KIAA1671: variants seen among roughly 807,000 people sequenced by gnomAD.
The protein encoded by KIAA1671 is uncharacterized protein KIAA1671.
A neutral mutation model predicts 131.2 loss-of-function variants in KIAA1671; 52 were observed. The ratio of observed to expected loss-of-function variants is 0.40; its 90% CI spans 0.32 to 0.50. The LOEUF is 0.50. KIAA1671 is among the 20% of genes least tolerant of loss of function. KIAA1671 has a pLI of 0.73. For missense variants in KIAA1671, 2,360 were observed against 2,364.2 expected (o/e 1.00, Z 0.04); for synonymous variants, 1,003 against 961.6 (o/e 1.04, Z -0.80).
intron 1 of KIAA1671, among the ~76,000 whole-genome samples, chr22:24,993,342 T>C (rs1923945784): frequency 1.3e-5 from 2 of 152,192 alleles, no homozygotes; most frequent in Admixed American, 1.3e-4. Context: ...GTCCGTTGTC[T>C]TCTCTCCAAA....
intron 6 of KIAA1671, chr22:25,112,095 TCCAAAGAGG>T (rs1160230729): frequency 5.0e-6 from 2 of 397,724 alleles, no homozygotes. Flanking sequence ...AGCAAAAGAG[TCCAAAGAGG>T]CAAGAGGACA....
rs549525418 is a variant in KIAA1671, at chr22:24,998,374, C to A, written c.-207-27259C>A. Among the ~76,000 whole-genome samples the A allele has an allele frequency of 2.0e-5, 3 of 152,150 alleles. No individual in the cohort carries two copies. In the East Asian group the frequency reaches 5.8e-4, roughly 29 times the overall value. ...GGTACAGTGAGCCATGACAGCACCA[C>A]TGCACTCCAGCCTGGGTGACAAATT... On this transcript the variant is annotated intron_variant, in intron 1 of 12. Coordinates refer to ENST00000358431, the MANE Select transcript of KIAA1671 (RefSeq NM_001145206.2).
At position 25,041,055 on chromosome 22, in the gene KIAA1671, C is replaced by T; in HGVS notation, c.3925C>T (p.Pro1309Ser). 2 of 1,519,664 alleles carry T rather than the reference C, an allele frequency of 1.3e-6. No homozygotes were observed. Among genetic ancestry groups the T allele is most frequent in the East Asian group, 2.5e-5 (1 of 40,678 alleles). 94.1% of individuals were successfully genotyped at this position (1,519,664 alleles called of 1,614,324 possible). A position where few individuals can be genotyped will look rare whatever the true frequency, so the allele number is the denominator to read the frequency against. Reference protein sequence around the residue: ...LPPSAPSERYPGGSPIPADPR... With the variant: ...LPPSAPSERYSGGSPIPADPR... ...ACCCTCGGCTCCTTCTGAAAGGTAT[C>T]CAGGGGGCTCTCCTATACCTGCGGA... Residue 1309 changes from proline to serine, a missense_variant, in exon 5 of 13, where the codon CCA becomes TCA. Physicochemically the swap from Pro to Ser is moderately conservative, Grantham distance 74 (BLOSUM62 -1). This residue lies in a region of KIAA1671 where 1,161 missense variants were observed against 1,204.7 expected (regional missense o/e 0.96). Transcript: ENST00000358431.
intron 8 of KIAA1671, chr22:25,176,740 C>T (rs1257025707): frequency 3.3e-5 from 5 of 152,266 alleles, no homozygotes; most frequent in African/African-American, 9.7e-5. Flanking sequence ...CCCACCCTTT[C>T]ACTGGGGGGG....
At chr22:25,134,150 A>G (rs1181781305) in intron 6 of KIAA1671, among the ~76,000 whole-genome samples, 1 of 152,204 alleles carries the variant, frequency 6.6e-6, no homozygotes, top group Non-Finnish European at 1.5e-5. Context: ...AGTACCTTGC[A>G]TGCTGTTTTT....
At chr22:25,148,181 C>G (rs1485757545) in intron 6 of KIAA1671, among the ~76,000 whole-genome samples, 1 of 151,868 alleles carries the variant, frequency 6.6e-6, no homozygotes, top group East Asian at 1.9e-4. Context: ...TGCCTCAGTC[C>G]CAGCCCTTTC....
Position 25,028,410 on chromosome 22 carries a change from G to A in KIAA1671, c.411G>A (p.Leu137=), listed in dbSNP as rs1926076552. 1.3e-5 allele frequency: 20 copies of A among 1,551,102 alleles called. No homozygotes were observed. Among genetic ancestry groups the A allele is most frequent in the South Asian group, 3.6e-5 (3 of 84,004 alleles). ...CCCTCTTCAACAAGGCTGTGTTCCT[G>A]CGGCCCAGCTCCAGCACCATGATTC... The part of the protein sequence containing the change: ...SSPLFNKAVF[L]RPSSSTMILF... The change falls in exon 3 of 13, where the codon CTG becomes CTA. Residue 137 remains leucine, a synonymous_variant. Transcript: ENST00000358431.
At chr22:25,009,628 C>G (rs895195234) in intron 1 of KIAA1671, 2 of 150,826 alleles carry the variant, frequency 1.3e-5, no homozygotes, top group Non-Finnish European at 2.9e-5. Flanking sequence ...GTCGCCCAGG[C>G]TGGAGTGCAG....
intron 1 of KIAA1671, among the ~76,000 whole-genome samples, chr22:24,996,640 A>C (rs545626663): frequency 6.6e-6 from 1 of 152,236 alleles, no homozygotes; most frequent in African/African-American, 2.4e-5. Context: ...ATTTGGCCTC[A>C]GTCTGATCCC....
intron 6 of KIAA1671, among the ~76,000 whole-genome samples, chr22:25,120,722 C>A (rs117236232): frequency 0.034 from 5,211 of 152,304 alleles, 143 homozygotes; most frequent in Middle Eastern, 0.075. Context: ...CTTTTTCCCC[C>A]CTCTTCCAAA....
intron 1 of KIAA1671, among the ~76,000 whole-genome samples, chr22:24,969,958 C>T (rs1569194795): frequency 6.6e-6 from 1 of 152,138 alleles, no homozygotes; most frequent in Admixed American, 6.6e-5. Context: ...CAGAGAAGAC[C>T]CCCTCCGCCA....
At chr22:24,969,537 C>G (rs1922490975) in intron 1 of KIAA1671, among the ~76,000 whole-genome samples, 1 of 152,112 alleles carries the variant, frequency 6.6e-6, no homozygotes, top group Non-Finnish European at 1.5e-5. Flanking sequence ...TGGTTGAATC[C>G]TTGGATGTGA....
intron 6 of KIAA1671, among the ~76,000 whole-genome samples, chr22:25,147,993 T>A (rs1480666482): frequency 3.3e-5 from 2 of 61,038 alleles, no homozygotes; most frequent in Non-Finnish European, 6.2e-5. Context: ...CCTCCCTCCC[T>A]CCCTACCTCA....
chr22:25,037,839 T>C (rs1000756534), intron 4 of KIAA1671, among the ~76,000 whole-genome samples: 10 of 152,116 alleles, frequency 6.6e-5, no homozygotes, highest in African/African-American at 1.4e-4. Context: ...ATTTAATTCC[T>C]TTTATTTATT....
In KIAA1671 at chr22:25,196,489, C is replaced by T. The variant is rs1400438191; in HGVS notation, c.*4088C>T. 1.3e-5 allele frequency: 2 copies of T among 151,872 alleles called. No individual in the cohort carries two copies. Among genetic ancestry groups the T allele is most frequent in the African/African-American group, 2.4e-5 (1 of 41,284 alleles). 9.4% of individuals were successfully genotyped at this position (151,872 alleles called of 1,614,324 possible). On this transcript the variant is annotated 3_prime_UTR_variant, in exon 13 of 13. Coordinates refer to ENST00000358431, the MANE Select transcript of KIAA1671 (RefSeq NM_001145206.2). ...TTGCTCTGTTGGCCAGGCTGGAATG[C>T]AGTGGCACAATCATAGCTCACTCCA... is the stretch of plus-strand genomic sequence containing the variant.
intron 6 of KIAA1671, chr22:25,054,617 C>T (rs945447344): frequency 6.7e-6 from 1 of 149,934 alleles, no homozygotes; most frequent in Non-Finnish European, 1.5e-5. Flanking sequence ...GCACGCCACC[C>T]TCCAGGAACC....
At chr22:25,188,856 G>A (rs939441582) in intron 11 of KIAA1671, among the ~76,000 whole-genome samples, 1 of 152,120 alleles carries the variant, frequency 6.6e-6, no homozygotes. Context: ...CTGCCTCAGG[G>A]GCGGCAGAGG....
At chr22:25,000,176 C>T (rs2123859354) in intron 1 of KIAA1671, among the ~76,000 whole-genome samples, 1 of 145,940 alleles carries the variant, frequency 6.9e-6, no homozygotes, top group African/African-American at 2.6e-5. Context: ...AGCCACTGCT[C>T]CTCGCCTGTT....
intron 6 of KIAA1671, chr22:25,070,488 A>C: frequency 4.8e-6 from 2 of 419,088 alleles, no homozygotes; most frequent in Non-Finnish European, 8.8e-6. Context: ...CTTCCTGTCA[A>C]CTTTGCTTTT....
Sources: gnomAD v4.1 joint callset for allele counts (sites outside exome capture counted in the v4.1 genomes callset) on GRCh38, gnomAD v4.1.1 for gene constraint, gnomAD v4.1.1 regional missense constraint, MANE v1.5 for transcripts, NCBI Gene and HGNC (gene_info 2026-07-23, HGNC 2026-07-21) for gene names.